ZNF106: variants seen among roughly 807,000 people sequenced by gnomAD.
ZNF106 encodes SH3-domain binding protein 3.
ZNF106 carries 67 observed loss-of-function variants against 195.1 expected under a neutral mutation model. The observed-to-expected ratio is 0.34, with a 90% confidence interval of 0.28 to 0.42. The LOEUF (loss-of-function observed/expected upper bound fraction) is 0.42, where lower values mean the gene tolerates loss of function less well. Ranked by LOEUF, ZNF106 falls within the 10% of genes least tolerant of loss-of-function variation. The pLI is 1.00. For missense variants in ZNF106, 2,118 were observed against 2,304.5 expected (o/e 0.92, Z 1.66); for synonymous variants, 784 against 818.6 (o/e 0.96, Z 0.72).
At chr15:42,477,690 G>A (rs1414432767) in intron 1 of ZNF106, among the ~76,000 whole-genome samples, 1 of 152,124 alleles carries the variant, frequency 6.6e-6, no homozygotes, top group Admixed American at 6.5e-5. Context: ...GGAGTTCCAA[G>A]ACCAGCGTGA....
At position 42,472,330 on chromosome 15, in the gene ZNF106, A is replaced by G; in HGVS notation, c.-32-9T>C. 1 of 1,524,530 alleles carries G rather than the reference A, an allele frequency of 6.6e-7. No individual in the cohort carries two copies. The highest frequency in any genetic ancestry group is 8.8e-7 in the Non-Finnish European group (1 of 1,140,242). The allele number at this position is 1,524,530 out of a possible 1,614,324, so 94.4% of individuals were successfully genotyped here. Reference sequence around the variant, plus strand: ...AGCACTCAACGTCACAGCTGCAATGAGGAAGTAACATTTAGTAACCTTTTC... The same window carrying G: ...AGCACTCAACGTCACAGCTGCAATGGGGAAGTAACATTTAGTAACCTTTTC... On this transcript the variant is annotated splice_polypyrimidine_tract_variant and intron_variant, in intron 1 of 21. Transcript: ENST00000564754.
intron 2 of ZNF106, 76 bp from the exon 3 acceptor site, chr15:42,466,190 A>G: frequency 8.2e-7 from 1 of 1,214,486 alleles, no homozygotes; most frequent in Non-Finnish European, 1.1e-6. Context: ...TTCCTCCTCA[A>G]TCAAAAATTG....
At chr15:42,443,166 C>A (rs528534634) in intron 9 of ZNF106, among the ~76,000 whole-genome samples, 26 of 152,264 alleles carry the variant, frequency 1.7e-4, no homozygotes, top group South Asian at 4.1e-4. Context: ...CTGTGCCTAG[C>A]AACATTCCAA....
chr15:42,423,755 C>G (rs2054753434), intron 17 of ZNF106, among the ~76,000 whole-genome samples: 4 of 152,166 alleles, frequency 2.6e-5, no homozygotes, highest in Admixed American at 2.6e-4. Flanking sequence ...CAGTTTATTT[C>G]AAGTTTAAAT....
intron 10 of ZNF106, among the ~76,000 whole-genome samples, chr15:42,440,924 C>T (rs1473897737): frequency 3.6e-5 from 5 of 137,858 alleles, no homozygotes; most frequent in African/African-American, 1.3e-4. Context: ...CAGAGGTTGC[C>T]GTGAGCCAAG....
In ZNF106 at chr15:42,431,811, G is replaced by A. The variant is rs979015658; in HGVS notation, c.4881+3573C>T. The stretch of plus-strand genomic sequence containing the variant: ...GTATTTTTAGTAGAGATGTGGTTTC[G>A]CCATGTTGGCTAGGCTGGTCTCGAA... On this transcript the variant is annotated intron_variant, in intron 14 of 21. Transcript: ENST00000564754. Among the ~76,000 whole-genome samples the A allele has an allele frequency of 5.3e-5, 8 of 151,518 alleles. No individual in the cohort carries two copies. The East Asian group carries it at 7.8e-4, about 15-fold the overall frequency.
Position 42,448,220 on chromosome 15 carries a change from C to T in ZNF106, c.2987G>A (p.Ser996Asn), listed in dbSNP as rs755365278. Residue 996 changes from serine (S) to asparagine (N), a missense_variant, in exon 6 of 22, where the codon AGT (serine) becomes AAT (asparagine). Ser to Asn is a conservative substitution (Grantham distance 46, BLOSUM62 1). Coordinates refer to ENST00000564754, the MANE Select transcript of ZNF106 (RefSeq NM_001366845.3). ...TGACAGACAGTTTCCCTCTCCATTA[C>T]TCTCCTGGGAATTCTGATTCTCTGA... is the stretch of plus-strand genomic sequence containing the variant. Reference protein sequence around the residue: ...PPSENQNSQESNGEGNCLSSS... With the variant: ...PPSENQNSQENNGEGNCLSSS... 60 of 1,614,082 alleles carry T rather than the reference C, an allele frequency of 3.7e-5. No homozygotes were observed. Among genetic ancestry groups the T allele is most frequent in the Non-Finnish European group, 4.8e-5 (57 of 1,180,044 alleles).
chr15:42,428,223 G>A, intron 14 of ZNF106, 89 bp from the exon 15 acceptor site: 1 of 1,034,336 alleles, frequency 9.7e-7, no homozygotes, highest in Non-Finnish European at 1.4e-6. Context: ...ACTTTAAAAT[G>A]ACTCTTATGC....
At chr15:42,476,703 A>G (rs2141435376) in intron 1 of ZNF106, among the ~76,000 whole-genome samples, 3 of 152,220 alleles carry the variant, frequency 2.0e-5, no homozygotes, top group Middle Eastern at 6.8e-3. Flanking sequence ...CTCAGTCTTC[A>G]CACTGAGTAC....
At chr15:42,463,767 C>T (rs936303389) in intron 3 of ZNF106, among the ~76,000 whole-genome samples, 2 of 151,694 alleles carry the variant, frequency 1.3e-5, no homozygotes, top group Non-Finnish European at 2.9e-5. Context: ...GCCACGGCAC[C>T]CCAGCCTGGT....
chr15:42,447,956 A>G (rs1286022241), intron 6 of ZNF106, 116 bp downstream of exon 6: 2 of 1,210,456 alleles, frequency 1.7e-6, no homozygotes, highest in Non-Finnish European at 2.3e-6. Context: ...CAATTCTTCT[A>G]GAAGTTGAGA....
At chr15:42,447,511 C>T (rs1209465961) in intron 6 of ZNF106, among the ~76,000 whole-genome samples, 2 of 151,992 alleles carry the variant, frequency 1.3e-5, no homozygotes, top group Non-Finnish European at 2.9e-5. Context: ...GCAGAAATGC[C>T]GGAAGAGCAG....
chr15:42,449,934 T>C lies in ZNF106; in HGVS notation c.2338A>G (p.Ile780Val), dbSNP rs1459352880. ...PEPNLNSARR[I>V]RNISGHRKSE... ...TTTCGGTGACCGCTAATATTGCGAATGCGGCGGGCACTATTGAGGTTTGGC... is the reference window on the plus strand; with the variant it reads ...TTTCGGTGACCGCTAATATTGCGAACGCGGCGGGCACTATTGAGGTTTGGC... The change falls in exon 5 of 22, where the codon ATT becomes GTT. Residue 780 changes from isoleucine to valine, a missense_variant. Coordinates refer to ENST00000564754, the MANE Select transcript of ZNF106 (RefSeq NM_001366845.3). 6.2e-7 allele frequency: 1 copy of C among 1,614,056 alleles called. No individual in the cohort carries two copies. The highest frequency in any genetic ancestry group is 1.3e-5 in the African/African-American group (1 of 74,926).
chr15:42,448,664 T>C lies in ZNF106; in HGVS notation c.2543A>G (p.Glu848Gly). Residue 848 changes from glutamate to glycine, a missense_variant, in exon 6 of 22, where the codon GAA becomes GGA. Physicochemically the swap from Glu to Gly is moderately conservative, Grantham distance 98 (BLOSUM62 -2). Coordinates refer to ENST00000564754, the MANE Select transcript of ZNF106 (RefSeq NM_001366845.3). ...EMVPLVQNEQ[E>G]ALDLDGEPDL... is the part of the protein sequence containing the mutation. ...AGGTTCCCCATCCAAATCTAAGGCTTCTTGTTCATTTTGAACAAGGGGTAC... is the reference window on the plus strand; with the variant it reads ...AGGTTCCCCATCCAAATCTAAGGCTCCTTGTTCATTTTGAACAAGGGGTAC... 1 of 1,611,132 alleles carries C rather than the reference T, an allele frequency of 6.2e-7. No homozygotes were observed. Among genetic ancestry groups the C allele is most frequent in the Non-Finnish European group, 8.5e-7 (1 of 1,179,734 alleles).
At chr15:42,423,903 G>C (rs974411018) in intron 17 of ZNF106, 95 bp downstream of exon 17, 1 of 1,175,576 alleles carries the variant, frequency 8.5e-7, no homozygotes, top group African/African-American at 1.5e-5. Context: ...GGTGGATAAA[G>C]GGCTTAATTT....
chr15:42,420,189 A>C (rs536530924), intron 20 of ZNF106, among the ~76,000 whole-genome samples: 3 of 152,306 alleles, frequency 2.0e-5, no homozygotes, highest in African/African-American at 4.8e-5. Context: ...GAAAATTCCC[A>C]AAATAAACAA....
At chr15:42,473,270 A>C (rs1317454938) in intron 1 of ZNF106, among the ~76,000 whole-genome samples, 1 of 152,176 alleles carries the variant, frequency 6.6e-6, no homozygotes, top group African/African-American at 2.4e-5. Context: ...ATTTCGGATA[A>C]AGGAACTCAA....
intron 1 of ZNF106, among the ~76,000 whole-genome samples, chr15:42,489,459 G>T (rs1328692073): frequency 2.0e-5 from 3 of 151,914 alleles, no homozygotes; most frequent in Non-Finnish European, 1.5e-5. Flanking sequence ...TTACAGGCGT[G>T]AGCCATCGCG....
intron 1 of ZNF106, among the ~76,000 whole-genome samples, chr15:42,480,125 TTTG>T (rs2056869504): frequency 1.3e-5 from 2 of 152,178 alleles, no homozygotes; most frequent in Admixed American, 1.3e-4. Context: ...TATACTAATT[TTTG>T]TTGTTGTTAT....
Sources: gnomAD v4.1 joint callset for allele counts (sites outside exome capture counted in the v4.1 genomes callset) on GRCh38, gnomAD v4.1.1 for gene constraint, MANE v1.5 for transcripts, NCBI Gene and HGNC (gene_info 2026-07-23, HGNC 2026-07-21) for gene names.